The following PDGFRB variants were observed in gnomAD, a reference collection of about 807,000 sequenced individuals.
The protein encoded by PDGFRB is platelet-derived growth factor receptor beta.
Under a neutral mutation model 120.2 loss-of-function variants are expected in PDGFRB, and 42 were observed. The ratio of observed to expected loss-of-function variants is 0.35; its 90% CI spans 0.27 to 0.45. The LOEUF (loss-of-function observed/expected upper bound fraction) is 0.45. Among genes scored for constraint, PDGFRB ranks in the 20% least tolerant of loss-of-function variants. PDGFRB has a pLI of 1.00. For synonymous variants in PDGFRB, 586 were observed against 606.8 expected, an observed-to-expected ratio of 0.97 and a Z score of 0.50; for missense variants, 1,149 against 1,476.3, an observed-to-expected ratio of 0.78 and a Z score of 3.63.
intron 11 of PDGFRB, among the ~76,000 whole-genome samples, chr5:150,126,261 T>C (rs1760289401): frequency 1.3e-5 from 2 of 152,068 alleles, no homozygotes; most frequent in Admixed American, 1.3e-4. Context: ...ATGAGAGGAA[T>C]GGTGTCTCAG....
chr5:150,143,961 T>C (rs1456019238), intron 1 of PDGFRB, among the ~76,000 whole-genome samples: 2 of 152,080 alleles, frequency 1.3e-5, no homozygotes, highest in African/African-American at 2.4e-5. Flanking sequence ...GCCACGCTGC[T>C]TCTAGGCCCG....
Position 150,132,640 on chromosome 5 carries a change from A to C in PDGFRB, c.1127+110T>G. The C allele has an allele frequency of 2.0e-6, 2 of 1,015,576 alleles. No individual in the cohort carries two copies. The highest frequency in any genetic ancestry group is 2.9e-6 in the Non-Finnish European group (2 of 697,800). The allele number at this position is 1,015,576 out of a possible 1,614,324, so 62.9% of individuals were successfully genotyped here. Reference sequence around the variant, plus strand: ...GCAGCATCCCCAGCACCTGGCACCTAATATGCTCTCAGAAAGCTGGGCCTA... The same window carrying C: ...GCAGCATCCCCAGCACCTGGCACCTCATATGCTCTCAGAAAGCTGGGCCTA... On this transcript the variant is annotated intron_variant, in intron 7 of 22. Transcript: ENST00000261799. The surrounding 1 kb of genome is among the most constrained non-coding windows in gnomAD (Gnocchi z 5.0).
rs1467308699 is a variant in PDGFRB at position 150,114,433 on chromosome 5, A to T, written c.*1330T>A. ...AGGTGCTGGAGTGGTGGGCTGCAGG[A>T]GGTGATCTCATTTGCCCTCTTTGTC... On this transcript the variant is annotated 3_prime_UTR_variant, in exon 23 of 23. Coordinates refer to ENST00000261799, the MANE Select transcript of PDGFRB (RefSeq NM_002609.4). 4.3e-6 allele frequency: 1 copy of T among 233,258 alleles called. No individual in the cohort carries two copies. Among genetic ancestry groups the T allele is most frequent in the Non-Finnish European group, 8.5e-6 (1 of 118,052 alleles). 14.4% of individuals were successfully genotyped at this position (233,258 alleles called of 1,614,324 possible).
intron 1 of PDGFRB, among the ~76,000 whole-genome samples, chr5:150,140,983 C>T (rs1760768644): frequency 1.3e-5 from 2 of 152,190 alleles, no homozygotes; most frequent in African/African-American, 4.8e-5. Flanking sequence ...ACAGGCAGGC[C>T]AGGGAGGGGG....
At chr5:150,139,880 C>T (rs999555165) in intron 1 of PDGFRB, among the ~76,000 whole-genome samples, 7 of 151,574 alleles carry the variant, frequency 4.6e-5, no homozygotes, top group South Asian at 2.1e-4. Flanking sequence ...CTCAGGAGGC[C>T]GAGGCAGGAG....
Position 150,133,876 on chromosome 5 carries a change from A to G in PDGFRB, c.759+5T>C. The G allele has an allele frequency of 1.2e-6, 2 of 1,614,104 alleles. No homozygotes were observed. Among genetic ancestry groups the G allele is most frequent in the Non-Finnish European group, 1.7e-6 (2 of 1,180,008 alleles). On this transcript the variant is annotated splice_donor_5th_base_variant and intron_variant, in intron 5 of 22. Transcript: ENST00000261799. ...TCCTCCGACCCCTGCCTGGCCCCACATTACTTCTTTGCGGGGGTATGTCCA... is the reference window on the plus strand; with the variant it reads ...TCCTCCGACCCCTGCCTGGCCCCACGTTACTTCTTTGCGGGGGTATGTCCA...
chr5:150,126,479 G>C (rs776323652), intron 11 of PDGFRB, 41 bp downstream of exon 11: 46 of 1,024,196 alleles, frequency 4.5e-5, no homozygotes, highest in Admixed American at 4.0e-4. Flanking sequence ...GCAAAATAAT[G>C]ATGTGCCAGT....
chr5:150,117,291 T>A (rs1283996385), intron 22 of PDGFRB, among the ~76,000 whole-genome samples: 4 of 152,052 alleles, frequency 2.6e-5, no homozygotes, highest in Admixed American at 6.6e-5. Flanking sequence ...GTAGGTTTGC[T>A]TCTTCTTTTT....
rs776607612 is a variant in PDGFRB at position 150,118,808 on chromosome 5, C to T, written c.2843G>A (p.Arg948Gln). Residue 948 changes from arginine (R) to glutamine (Q), a missense_variant, in exon 21 of 23, where the codon CGG becomes CAG. This residue lies in a region of PDGFRB where 202 missense variants were observed against 214.3 expected (regional missense o/e 0.94). Transcript: ENST00000261799. ...QKCWEEKFEI[R>Q]PPFSQLVLLL... ...CAGCACCAGCTGGGAGAAGGGGGGC[C>T]GAATCTCAAACTTCTCTTCCCAGCA... The T allele has an allele frequency of 1.9e-6, 3 of 1,613,528 alleles. No individual in the cohort carries two copies. The highest frequency in any genetic ancestry group is 2.5e-6 in the Non-Finnish European group (3 of 1,179,546).
At chr5:150,116,919 G>A (rs909047425) in intron 22 of PDGFRB, among the ~76,000 whole-genome samples, 1 of 152,144 alleles carries the variant, frequency 6.6e-6, no homozygotes, top group Non-Finnish European at 1.5e-5. Flanking sequence ...GGCAGAGTTG[G>A]GACAGTACCC....
chr5:150,118,415 A>T (rs927945894), intron 21 of PDGFRB, among the ~76,000 whole-genome samples: 3 of 152,004 alleles, frequency 2.0e-5, no homozygotes, highest in African/African-American at 7.3e-5. Flanking sequence ...TGGTCATGTA[A>T]CCTGGGGTTA....
In PDGFRB at chr5:150,137,039, A is replaced by C; in HGVS notation, c.9T>G (p.Leu3=). 6 of 1,613,674 alleles carry C rather than the reference A, an allele frequency of 3.7e-6. No homozygotes were observed. The highest frequency in any genetic ancestry group is 5.1e-6 in the Non-Finnish European group (6 of 1,179,762). ...GGGCCAGAGCTGGCATCGCACCCGG[A>C]AGCCGCATGGTGTCCTGCAGAGTTA... The part of the protein sequence containing the change: MR[L]PGAMPALALK... Residue 3 remains leucine (L), a synonymous_variant, in exon 2 of 23, where the codon CTT becomes CTG. Coordinates refer to ENST00000261799, the MANE Select transcript of PDGFRB (RefSeq NM_002609.4).
chr5:150,127,968 T>C (rs1419693820), intron 10 of PDGFRB, among the ~76,000 whole-genome samples: 1 of 151,528 alleles, frequency 6.6e-6, no homozygotes, highest in African/African-American at 2.4e-5. Flanking sequence ...TCCAACTTCG[T>C]CTCTCACCCC....
chr5:150,126,143 A>G (rs1760285674), intron 11 of PDGFRB, among the ~76,000 whole-genome samples: 1 of 152,254 alleles, frequency 6.6e-6, no homozygotes, highest in Non-Finnish European at 1.5e-5. Flanking sequence ...ACAGACTAAT[A>G]GGATCAGAAT....
At chr5:150,131,590 C>T (rs1405440588) in intron 8 of PDGFRB, among the ~76,000 whole-genome samples, 2 of 152,170 alleles carry the variant, frequency 1.3e-5, no homozygotes, top group African/African-American at 4.8e-5. Context: ...GTTTGTCTTC[C>T]CCTACTTGGA....
chr5:150,137,031 G>A lies in PDGFRB; in HGVS notation c.17C>T (p.Ala6Val), dbSNP rs150173975. 4.8e-4 allele frequency: 778 copies of A among 1,613,428 alleles called. 2 individuals carry two copies. The highest frequency in any genetic ancestry group is 5.9e-4 in the Non-Finnish European group (695 of 1,179,580). Residue 6 changes from alanine to valine, a missense_variant, in exon 2 of 23, where the codon GCG becomes GTG. Physicochemically the swap from Ala to Val is moderately conservative, Grantham distance 64 (BLOSUM62 0). Coordinates refer to ENST00000261799, the MANE Select transcript of PDGFRB (RefSeq NM_002609.4). ...ACCTTTGAGGGCCAGAGCTGGCATC[G>A]CACCCGGAAGCCGCATGGTGTCCTG... is the stretch of plus-strand genomic sequence containing the variant. Reference protein sequence around the residue: MRLPGAMPALALKGEL... With the variant: MRLPGVMPALALKGEL...
intron 10 of PDGFRB, among the ~76,000 whole-genome samples, chr5:150,127,724 T>C (rs1267631816): frequency 1.3e-5 from 2 of 150,170 alleles, no homozygotes; most frequent in Non-Finnish European, 3.0e-5. Flanking sequence ...ATCCCAGCTA[T>C]TTGGGAGGCT....
chr5:150,123,239 G>A (rs1760199032), intron 14 of PDGFRB, 38 bp from the exon 15 acceptor site: 1 of 1,562,664 alleles, frequency 6.4e-7, no homozygotes, highest in Non-Finnish European at 8.8e-7. Context: ...CCCTATGGAG[G>A]CCTCAGGCGT....
At chr5:150,149,893 G>C (rs1282309974) in intron 1 of PDGFRB, among the ~76,000 whole-genome samples, 3 of 152,198 alleles carry the variant, frequency 2.0e-5, no homozygotes, top group Non-Finnish European at 2.9e-5. Flanking sequence ...CAGCAATGAG[G>C]ATGTGGCAAA....
Sources: gnomAD v4.1 joint callset for allele counts (sites outside exome capture counted in the v4.1 genomes callset) on GRCh38, gnomAD v4.1.1 for gene constraint, gnomAD v4.1.1 regional missense constraint, Gnocchi (gnomAD v3.1) non-coding constraint, MANE v1.5 for transcripts, NCBI Gene and HGNC (gene_info 2026-07-23, HGNC 2026-07-21) for gene names.